Variants in P2RY8 observed in about 807,000 individuals in gnomAD.
The protein encoded by P2RY8 is S-geranylgeranyl-glutathione receptor P2RY8.
Under a neutral mutation model 10.0 loss-of-function variants are expected in P2RY8, and 6 were observed. That is an observed-to-expected ratio of 0.60 (90% CI 0.33 to 1.19). P2RY8 has a LOEUF of 1.19. Ranked by LOEUF, P2RY8 falls within the 50% of genes most tolerant of loss-of-function variation. P2RY8 has a pLI of 0.04. For synonymous variants in P2RY8, 276 were observed against 252.5 expected (o/e 1.09, Z -0.88); for missense variants, 456 against 542.0 (o/e 0.84, Z 1.58).
At chrX:1,488,963 G>A (rs1200662849) in intron 1 of P2RY8, among the ~76,000 whole-genome samples, 2 of 150,704 alleles carry the variant, frequency 1.3e-5, no homozygotes, top group Non-Finnish European at 3.0e-5. Context: ...ATGGCATCCA[G>A]GGTACACTCC....
At chrX:1,533,486 T>C (rs1204544811) in intron 1 of P2RY8, among the ~76,000 whole-genome samples, 5 of 141,204 alleles carry the variant, frequency 3.5e-5, no homozygotes, top group African/African-American at 5.2e-5. Context: ...TTATATCTTA[T>C]ATACTTATAT....
chrX:1,515,835 A>G (rs2092342627), intron 1 of P2RY8, among the ~76,000 whole-genome samples: 1 of 151,032 alleles, frequency 6.6e-6, no homozygotes, highest in Non-Finnish European at 1.5e-5. Context: ...GGGTGGGATG[A>G]GTTTACAGCA....
chrX:1,535,184 C>CT (rs539683722), intron 1 of P2RY8, among the ~76,000 whole-genome samples: 1,909 of 80,464 alleles, frequency 0.024, 209 homozygotes, highest in African/African-American at 0.089. Context: ...GGGATAATTC[C>CT]TTTTTTTTTT....
intron 1 of P2RY8, among the ~76,000 whole-genome samples, chrX:1,515,470 C>G (rs1184930980): frequency 6.6e-6 from 1 of 151,372 alleles, no homozygotes; most frequent in Admixed American, 6.6e-5. Context: ...CTCCCAGGTT[C>G]AAGCGATTCC....
chrX:1,517,299 A>C (rs1298794169), intron 1 of P2RY8, among the ~76,000 whole-genome samples: 1 of 151,966 alleles, frequency 6.6e-6, no homozygotes, highest in Non-Finnish European at 1.5e-5. Flanking sequence ...GACAGCATCT[A>C]CAAGCCCAGG....
intron 1 of P2RY8, among the ~76,000 whole-genome samples, chrX:1,527,956 C>T (rs1480077850): frequency 1.3e-5 from 2 of 152,192 alleles, no homozygotes; most frequent in Non-Finnish European, 2.9e-5. Flanking sequence ...TCATTCATTC[C>T]CTGTGGCTGA....
chrX:1,475,302 G>T (rs1433498616), intron 1 of P2RY8, among the ~76,000 whole-genome samples: 1 of 151,804 alleles, frequency 6.6e-6, no homozygotes, highest in African/African-American at 2.4e-5. Context: ...TGGGTAGATG[G>T]GTGGATGGAT....
intron 1 of P2RY8, among the ~76,000 whole-genome samples, chrX:1,515,116 G>T (rs1285574085): frequency 6.6e-6 from 1 of 150,990 alleles, no homozygotes; most frequent in African/African-American, 2.4e-5. Flanking sequence ...ACCATATGTT[G>T]CCCAGGCTGG....
At chrX:1,475,400 G>A (rs1384636332) in intron 1 of P2RY8, among the ~76,000 whole-genome samples, 6 of 151,990 alleles carry the variant, frequency 3.9e-5, no homozygotes, top group African/African-American at 1.2e-4. Context: ...GCAAAGCTTG[G>A]AACAGATTTT....
At chrX:1,522,245 A>G (rs1186602187) in intron 1 of P2RY8, among the ~76,000 whole-genome samples, 11 of 151,158 alleles carry the variant, frequency 7.3e-5, no homozygotes, top group South Asian at 2.1e-4. Flanking sequence ...GTGAGCCACC[A>G]TGCCCCGCCC....
intron 1 of P2RY8, among the ~76,000 whole-genome samples, chrX:1,485,951 G>C (rs1191262613): frequency 6.6e-6 from 1 of 152,134 alleles, no homozygotes; most frequent in Non-Finnish European, 1.5e-5. Flanking sequence ...AGGTGTGGTG[G>C]CTCACACCTA....
At chrX:1,504,396 T>C (rs1327781144) in intron 1 of P2RY8, among the ~76,000 whole-genome samples, 1 of 152,110 alleles carries the variant, frequency 6.6e-6, no homozygotes, top group Non-Finnish European at 1.5e-5. Flanking sequence ...TGCCTCCTGA[T>C]GTGATGTAGA....
intron 1 of P2RY8, among the ~76,000 whole-genome samples, chrX:1,499,430 G>C (rs2092153395): frequency 6.6e-6 from 1 of 152,044 alleles, no homozygotes; most frequent in South Asian, 2.1e-4. Context: ...CCCCCAAAAT[G>C]CTGGGATTAC....
chrX:1,515,980 C>T (rs1416547424), intron 1 of P2RY8, among the ~76,000 whole-genome samples: 5 of 131,992 alleles, frequency 3.8e-5, no homozygotes, highest in African/African-American at 1.1e-4. Context: ...GTCAGGAGTT[C>T]GAGACCAGCC....
intron 1 of P2RY8, among the ~76,000 whole-genome samples, chrX:1,516,105 G>A (rs2092346159): frequency 6.6e-6 from 1 of 151,480 alleles, no homozygotes. Context: ...GCTGAGGCAG[G>A]AGAATCGCTT....
chrX:1,532,315 T>TAA (rs1556687479), intron 1 of P2RY8, among the ~76,000 whole-genome samples: 1 of 17,028 alleles, frequency 5.9e-5, no homozygotes, highest in South Asian at 0.017. Context: ...GCCATATATA[T>TAA]ACACACACGT....
rs369270988 is a variant in P2RY8, at chrX:1,482,056, T to A, written c.-24-15474A>T. On this transcript the variant is annotated intron_variant, in intron 1 of 1. Transcript: ENST00000381297. Reference sequence around the variant, plus strand: ...CGGCCGCGTTTCTCTGATTTCTGTATCTCATTCTCAGAGTATATAGCACGG... The same window carrying A: ...CGGCCGCGTTTCTCTGATTTCTGTAACTCATTCTCAGAGTATATAGCACGG... 1.1e-4 allele frequency among the ~76,000 whole-genome samples: 16 copies of A among 152,252 alleles called. No homozygotes were observed. The South Asian group carries it at 1.7e-3, about 16-fold the overall frequency.
At chrX:1,510,719 A>C (rs1410810899) in intron 1 of P2RY8, among the ~76,000 whole-genome samples, 5 of 152,070 alleles carry the variant, frequency 3.3e-5, no homozygotes, top group Non-Finnish European at 5.9e-5. Flanking sequence ...CTCTACTAAA[A>C]ACACAAAAAT....
Position 1,466,200 on chromosome X carries a change from T to C in P2RY8, c.359A>G (p.Glu120Gly). 6.2e-7 allele frequency: 1 copy of C among 1,613,078 alleles called. No homozygotes were observed. The highest frequency in any genetic ancestry group is 8.5e-7 in the Non-Finnish European group (1 of 1,179,558). ...SILTMTCISV[E>G]RFLGVLYPLS... ...CGGGTACAGGACCCCCAGGAAGCGC[T>C]CCACGCTGATACAGGTCATGGTGAG... Residue 120 changes from glutamate to glycine, a missense_variant, in exon 2 of 2, where the codon GAG becomes GGG. By Grantham distance (98) the Glu-to-Gly change is moderately conservative. Coordinates refer to ENST00000381297, the MANE Select transcript of P2RY8 (RefSeq NM_178129.5).
Sources: gnomAD v4.1 joint callset for allele counts (sites outside exome capture counted in the v4.1 genomes callset) on GRCh38, gnomAD v4.1.1 for gene constraint, MANE v1.5 for transcripts, NCBI Gene and HGNC (gene_info 2026-07-23, HGNC 2026-07-21) for gene names.